AATF: variants seen among roughly 807,000 people sequenced by gnomAD.
AATF encodes the protein apoptosis antagonizing transcription factor, also known as protein AATF.
Under a neutral mutation model 63.7 loss-of-function variants are expected in AATF, and 48 were observed. The ratio of observed to expected loss-of-function variants is 0.75; its 90% CI spans 0.60 to 0.96. The LOEUF (loss-of-function observed/expected upper bound fraction) is 0.96. Among genes scored for constraint, AATF ranks in the 40% least tolerant of loss-of-function variants. AATF has a pLI of 0.00. For missense variants in AATF, 639 were observed against 685.7 expected (o/e 0.93, Z 0.76); for synonymous variants, 258 against 247.7 (o/e 1.04, Z -0.39).
intron 11 of AATF, chr17:37,056,358 A>G: frequency 2.0e-6 from 1 of 505,976 alleles, no homozygotes; most frequent in South Asian, 2.9e-5. Context: ...GGGCAAACTT[A>G]CAGAACACTC....
chr17:37,037,467 A>G (rs1041867766), intron 11 of AATF, among the ~76,000 whole-genome samples: 11 of 152,338 alleles, frequency 7.2e-5, no homozygotes, highest in African/African-American at 2.6e-4. Flanking sequence ...CTTTACTTGC[A>G]TGATTTGCAG....
At position 37,029,495 on chromosome 17, in the gene AATF, G is replaced by A. The variant is rs554162995; in HGVS notation, c.1548-2119G>A. On this transcript the variant is annotated intron_variant, in intron 10 of 11. Transcript: ENST00000619387. ...ACTCCTGACCTCAGGTGATCCACCCGCCTCAGGCTTCTAAAGTGTTGGGAT... is the reference window on the plus strand; with the variant it reads ...ACTCCTGACCTCAGGTGATCCACCCACCTCAGGCTTCTAAAGTGTTGGGAT... Among the ~76,000 whole-genome samples, 254 of 150,980 alleles carry A rather than the reference G, an allele frequency of 1.7e-3. 1 individual carries two copies. The highest frequency in any genetic ancestry group is 2.2e-3 in the Non-Finnish European group (150 of 67,778).
intron 8 of AATF, among the ~76,000 whole-genome samples, chr17:37,002,889 A>G: frequency 6.7e-6 from 1 of 149,574 alleles, no homozygotes; most frequent in Non-Finnish European, 1.5e-5. Flanking sequence ...ATCCCTATCA[A>G]CATTCCTGTT....
At chr17:36,979,078 T>G (rs1173886128) in intron 4 of AATF, among the ~76,000 whole-genome samples, 1 of 152,050 alleles carries the variant, frequency 6.6e-6, no homozygotes, top group African/African-American at 2.4e-5. Context: ...ATTAATAAAT[T>G]TGTGTCTTTT....
chr17:37,027,134 T>A (rs1424195367), intron 10 of AATF, among the ~76,000 whole-genome samples: 2 of 152,168 alleles, frequency 1.3e-5, no homozygotes, highest in Non-Finnish European at 2.9e-5. Flanking sequence ...TAACGTTTTT[T>A]AAAAAAACAA....
chr17:37,006,142 A>G (rs1055656281), intron 8 of AATF, among the ~76,000 whole-genome samples: 9 of 152,038 alleles, frequency 5.9e-5, no homozygotes, highest in Admixed American at 5.2e-4. Context: ...GTCTCTAAAA[A>G]AAGAAAAAAA....
In AATF at chr17:37,019,021, T is replaced by C. The variant is rs772867974; in HGVS notation, c.1415T>C (p.Ile472Thr). 1 of 1,614,114 alleles carries C rather than the reference T, an allele frequency of 6.2e-7. No homozygotes were observed. The highest frequency in any genetic ancestry group is 2.2e-5 in the East Asian group (1 of 44,876). ...DFYHQLLREL[I>T]ERKTSSLDPN... ...TTCCCCTAGCTCCTTCGAGAACTCA[T>C]AGAACGGAAGACCAGCTCCTTGGAT... Residue 472 changes from isoleucine (I) to threonine (T), a missense_variant, in exon 9 of 12, where the codon ATA (isoleucine) becomes ACA (threonine). Transcript: ENST00000619387.
chr17:37,053,098 A>T (rs1315060782), intron 11 of AATF, among the ~76,000 whole-genome samples: 4 of 152,176 alleles, frequency 2.6e-5, no homozygotes, highest in Non-Finnish European at 5.9e-5. Context: ...CTCAGTGCTT[A>T]TGTCTACAAA....
intron 7 of AATF, 47 bp downstream of exon 7, chr17:36,989,458 A>G: frequency 6.6e-7 from 1 of 1,514,824 alleles, no homozygotes; most frequent in Non-Finnish European, 8.9e-7. Flanking sequence ...AGTTTCTATG[A>G]GGCTTATTAG....
chr17:37,023,540 T>TG, intron 10 of AATF, among the ~76,000 whole-genome samples: 1 of 146,048 alleles, frequency 6.8e-6, no homozygotes, highest in African/African-American at 2.5e-5. Context: ...AAACAGAGTT[T>TG]AAAAAGAGGC....
intron 8 of AATF, among the ~76,000 whole-genome samples, chr17:37,004,830 A>G (rs1337904530): frequency 6.6e-6 from 1 of 152,226 alleles, no homozygotes; most frequent in Non-Finnish European, 1.5e-5. Flanking sequence ...GGTTACTGGT[A>G]ATATGAAAGT....
rs756327759 is a variant in AATF, at chr17:36,986,688, G to A, written c.904G>A (p.Asp302Asn). 1 of 1,614,108 alleles carries A rather than the reference G, an allele frequency of 6.2e-7. No individual in the cohort carries two copies. Among genetic ancestry groups the A allele is most frequent in the South Asian group, 1.1e-5 (1 of 91,078 alleles). Reference protein sequence around the residue: ...LQEELLFQYPDTRYLVDGTKP... With the variant: ...LQEELLFQYPNTRYLVDGTKP... ...GGAAGAGTTGCTTTTCCAGTACCCA[G>A]ACACTAGATATCTAGTAGATGGGAC... Residue 302 changes from aspartate (D) to asparagine (N), a missense_variant, in exon 5 of 12, where the codon GAC becomes AAC. Transcript: ENST00000619387.
intron 8 of AATF, among the ~76,000 whole-genome samples, chr17:37,010,270 T>C (rs2071380231): frequency 6.6e-6 from 1 of 151,912 alleles, no homozygotes; most frequent in Non-Finnish European, 1.5e-5. Context: ...CTGGCTAACA[T>C]GGTGAAACCC....
At position 37,002,544 on chromosome 17, in the gene AATF, C is replaced by T. The variant is rs539633628; in HGVS notation, c.1398+11687C>T. 4.4e-3 allele frequency among the ~76,000 whole-genome samples: 667 copies of T among 150,908 alleles called. 4 individuals are homozygous for T. The highest frequency in any genetic ancestry group is 7.2e-3 in the Non-Finnish European group (488 of 67,740). On this transcript the variant is annotated intron_variant, in intron 8 of 11. Coordinates refer to ENST00000619387, the MANE Select transcript of AATF (RefSeq NM_012138.4). ...AAAAAAAATTAGCCGTGGTGGTGGG[C>T]GCCTGTAGTCCCAGCTACTTGGGAG...
In AATF at chr17:36,985,200, C is replaced by T. The variant is rs945292284; in HGVS notation, c.833-1417C>T. The stretch of plus-strand genomic sequence containing the variant: ...TACAGGCATGAGCCACTGCACCTGG[C>T]CTCCAAAGTTCTGAGATTATAGGCA... On this transcript the variant is annotated intron_variant, in intron 4 of 11. Transcript: ENST00000619387. Among the ~76,000 whole-genome samples, 8 of 152,220 alleles carry T rather than the reference C, an allele frequency of 5.3e-5. No individual in the cohort carries two copies. In the East Asian group the frequency reaches 1.5e-3, roughly 29 times the overall value.
chr17:37,013,866 C>T (rs1365432386), intron 8 of AATF, among the ~76,000 whole-genome samples: 1 of 152,098 alleles, frequency 6.6e-6, no homozygotes, highest in Non-Finnish European at 1.5e-5. Context: ...TCCCTATATA[C>T]TCCACATGCC....
chr17:37,021,361 G>A (rs2071468596), intron 10 of AATF, among the ~76,000 whole-genome samples: 1 of 152,140 alleles, frequency 6.6e-6, no homozygotes, highest in Admixed American at 6.5e-5. Context: ...AGGCGTGGTG[G>A]CTCACGCCTG....
chr17:36,986,521 C>A, intron 4 of AATF, 96 bp from the exon 5 acceptor site: 1 of 955,932 alleles, frequency 1.0e-6, no homozygotes, highest in Non-Finnish European at 1.7e-6. Context: ...TCACTCCCCA[C>A]AGCCAGAACT....
At chr17:36,973,916 C>T (rs2071059431) in intron 4 of AATF, among the ~76,000 whole-genome samples, 1 of 152,036 alleles carries the variant, frequency 6.6e-6, no homozygotes. Flanking sequence ...ACTAAAAATA[C>T]AGAAATTAGC....
Sources: allele counts gnomAD v4.1 joint callset (sites outside exome capture counted in the v4.1 genomes callset), GRCh38; gene constraint gnomAD v4.1.1; transcripts MANE v1.5; gene names NCBI Gene and HGNC (gene_info 2026-07-23, HGNC 2026-07-21).